Variants in VPS54 observed in about 807,000 individuals in gnomAD.
VPS54 encodes the protein VPS54 subunit of GARP complex.
Under a neutral mutation model 121.5 loss-of-function variants are expected in VPS54, and 45 were observed. The ratio of observed to expected loss-of-function variants is 0.37; its 90% CI spans 0.29 to 0.47. The LOEUF (loss-of-function observed/expected upper bound fraction) is 0.47, where lower values mean the gene tolerates loss of function less well. VPS54 is among the 20% of genes least tolerant of loss of function. The pLI is 0.99. For synonymous variants in VPS54, 371 were observed against 385.8 expected (o/e 0.96, Z 0.45); for missense variants, 1,090 against 1,131.4 (o/e 0.96, Z 0.52).
At chr2:63,936,151 A>G (rs1674442468) in intron 11 of VPS54, among the ~76,000 whole-genome samples, 2 of 152,170 alleles carry the variant, frequency 1.3e-5, no homozygotes, top group South Asian at 4.1e-4. Flanking sequence ...TTTGATTTGA[A>G]TACTTCATTC....
chr2:63,994,674 T>C (rs1027185937), intron 1 of VPS54, among the ~76,000 whole-genome samples: 2 of 152,182 alleles, frequency 1.3e-5, no homozygotes, highest in Non-Finnish European at 2.9e-5. Context: ...CTCCAGCCTC[T>C]CCCTTTCTCC....
intron 20 of VPS54, among the ~76,000 whole-genome samples, chr2:63,903,059 A>T (rs905050724): frequency 6.6e-6 from 1 of 152,110 alleles, no homozygotes; most frequent in African/African-American, 2.4e-5. Flanking sequence ...GGATCTAATG[A>T]AACCGAAATC....
At chr2:63,958,704 A>G (rs1675612502) in intron 7 of VPS54, among the ~76,000 whole-genome samples, 1 of 152,206 alleles carries the variant, frequency 6.6e-6, no homozygotes, top group East Asian at 1.9e-4. Context: ...TGACAGGGCA[A>G]GACTGCATAT....
At chr2:63,906,589 G>C (rs1183045573) in intron 20 of VPS54, among the ~76,000 whole-genome samples, 1 of 152,192 alleles carries the variant, frequency 6.6e-6, no homozygotes, top group Non-Finnish European at 1.5e-5. Context: ...GCACTGGTTT[G>C]TAGTATTTGT....
In VPS54 at chr2:63,892,895, C is replaced by T. The variant is rs1395581812; in HGVS notation, c.*535G>A. ...TGGTCACTGAAACAAAAATTGAATTCCTAAATCCAAGCAATCAAAAGATGT... is the reference window on the plus strand; with the variant it reads ...TGGTCACTGAAACAAAAATTGAATTTCTAAATCCAAGCAATCAAAAGATGT... On this transcript the variant is annotated 3_prime_UTR_variant, in exon 23 of 23. Coordinates refer to ENST00000272322, the MANE Select transcript of VPS54 (RefSeq NM_016516.3). 1 of 153,246 alleles carries T rather than the reference C, an allele frequency of 6.5e-6. No homozygotes were observed. The highest frequency in any genetic ancestry group is 1.5e-5 in the Non-Finnish European group (1 of 68,740). The allele number at this position is 153,246 out of a possible 1,614,324, so 9.5% of individuals were successfully genotyped here.
At chr2:63,949,526 T>C (rs1223539662) in intron 7 of VPS54, among the ~76,000 whole-genome samples, 2 of 152,224 alleles carry the variant, frequency 1.3e-5, no homozygotes, top group African/African-American at 2.4e-5. Flanking sequence ...CTATATTATG[T>C]GTACCATATA....
intron 4 of VPS54, among the ~76,000 whole-genome samples, chr2:63,971,666 T>C (rs1199905003): frequency 6.6e-6 from 1 of 152,242 alleles, no homozygotes; most frequent in African/African-American, 2.4e-5. Flanking sequence ...ACGCATGTTA[T>C]AAAACATTAC....
chr2:64,009,316 T>A (rs1678319875), intron 1 of VPS54, among the ~76,000 whole-genome samples: 1 of 152,068 alleles, frequency 6.6e-6, no homozygotes, highest in Non-Finnish European at 1.5e-5. Context: ...TACTATACAT[T>A]TTCTTTTCTT....
chr2:64,007,553 A>C (rs1678219434), intron 1 of VPS54, among the ~76,000 whole-genome samples: 1 of 152,226 alleles, frequency 6.6e-6, no homozygotes, highest in African/African-American at 2.4e-5. Flanking sequence ...ACTGTAAAAC[A>C]ACCATAATTA....
chr2:64,012,737 C>A (rs1678487959), intron 1 of VPS54, among the ~76,000 whole-genome samples: 1 of 151,886 alleles, frequency 6.6e-6, no homozygotes, highest in African/African-American at 2.4e-5. Context: ...AAATGAAGGC[C>A]CTTTCCCTCC....
rs773077262 is a variant in VPS54, at chr2:63,916,852, G to A, written c.2228+48C>T. ...ACTTCAAGGGAGAACTAGAAGACTT[G>A]TGTTTTAAATAGTTGACTCAACTAC... On this transcript the variant is annotated intron_variant, in intron 16 of 22. Transcript: ENST00000272322. The A allele has an allele frequency of 2.5e-6, 4 of 1,569,530 alleles. No individual in the cohort carries two copies. The South Asian group carries it at 4.4e-5, about 17-fold the overall frequency.
At chr2:63,976,397 G>GT (rs1281338202) in intron 3 of VPS54, among the ~76,000 whole-genome samples, 1 of 149,812 alleles carries the variant, frequency 6.7e-6, no homozygotes, top group African/African-American at 2.5e-5. Flanking sequence ...GAGGTCTAAA[G>GT]TTTTCTTTCC....
rs1488578498 is a variant in VPS54, at chr2:63,962,399, C to T, written c.669G>A (p.Gln223=). 1.2e-6 allele frequency: 2 copies of T among 1,613,650 alleles called. No individual in the cohort carries two copies. The highest frequency in any genetic ancestry group is 1.6e-4 in the Middle Eastern group (1 of 6,062). ...AAAATGCTTCTGAACGTAGAGAGAT[C>T]TGGTGAGCAATGTTTACTTCCACAA... is the stretch of plus-strand genomic sequence containing the variant. ...LDIVEVNIAH[Q]ISLRSEAFFH... The change falls in exon 7 of 23, where the codon CAG becomes CAA. Residue 223 remains glutamine, a synonymous_variant. Coordinates refer to ENST00000272322, the MANE Select transcript of VPS54 (RefSeq NM_016516.3).
intron 1 of VPS54, among the ~76,000 whole-genome samples, chr2:64,012,455 TAAAAAAA>T (rs11316408): frequency 2.7e-5 from 3 of 111,576 alleles, no homozygotes; most frequent in African/African-American, 1.1e-4. Flanking sequence ...AGTAACTGTT[TAAAAAAA>T]AAAAAAAAAA....
intron 5 of VPS54, among the ~76,000 whole-genome samples, chr2:63,967,180 TTTTA>T (rs1676039383): frequency 6.6e-6 from 1 of 152,194 alleles, no homozygotes; most frequent in Admixed American, 6.5e-5. Flanking sequence ...ATATGCTATA[TTTTA>T]TTTACTGATT....
At chr2:63,947,312 C>A in intron 9 of VPS54, 71 bp downstream of exon 9, 1 of 1,310,368 alleles carries the variant, frequency 7.6e-7, no homozygotes, top group Non-Finnish European at 1.0e-6. Context: ...TATATTATTA[C>A]TAGGATAACA....
chr2:63,981,619 C>A, intron 3 of VPS54, 27 bp downstream of exon 3: 2 of 1,537,430 alleles, frequency 1.3e-6, no homozygotes, highest in Admixed American at 2.1e-5. Flanking sequence ...TTTGACCTGA[C>A]TGTAACTAGC....
In VPS54 at chr2:63,912,547, A is replaced by G; in HGVS notation, c.2537T>C (p.Ile846Thr). 1 of 1,611,858 alleles carries G rather than the reference A, an allele frequency of 6.2e-7. No homozygotes were observed. The highest frequency in any genetic ancestry group is 1.1e-5 in the South Asian group (1 of 90,582). ...AAATATATGAAAAAGTACCTTAGTG[A>G]TATGATCAAAATGCCTAAGCATGCT... ...QYSMLRHFDH[I>T]TKDYHDHIAE... Residue 846 changes from isoleucine to threonine, a missense_variant, in exon 19 of 23, where the codon ATC becomes ACC. Coordinates refer to ENST00000272322, the MANE Select transcript of VPS54 (RefSeq NM_016516.3).
chr2:63,915,356 G>C (rs1228912526), intron 16 of VPS54, among the ~76,000 whole-genome samples: 2 of 152,040 alleles, frequency 1.3e-5, no homozygotes, highest in Non-Finnish European at 2.9e-5. Context: ...ATTTATAAGA[G>C]CCTGAAAGAT....
Sources: allele counts gnomAD v4.1 joint callset (sites outside exome capture counted in the v4.1 genomes callset), GRCh38; gene constraint gnomAD v4.1.1; transcripts MANE v1.5; gene names NCBI Gene and HGNC (gene_info 2026-07-23, HGNC 2026-07-21).